The following ZNG1A variants were observed in gnomAD, a reference collection of about 807,000 sequenced individuals.
ZNG1A encodes zinc-regulated GTPase metalloprotein activator 1A.
the ZNG1A span, chr9:122,229 T>C: frequency 7.1e-7 from 1 of 1,403,326 alleles, no homozygotes; most frequent in Non-Finnish European, 9.4e-7. Context: ...AATTACTTAA[T>C]TCCAATTATT....
chr9:175,246 C>T, the ZNG1A span, among the ~76,000 whole-genome samples: 738 of 152,000 alleles, frequency 4.9e-3, 3 homozygotes, highest in African/African-American at 0.016. Context: ...GGCATGGTGG[C>T]GCACGCCTGT....
At chr9:122,233 A>C in the ZNG1A span, 3 of 1,403,060 alleles carry the variant, frequency 2.1e-6, no homozygotes, top group African/African-American at 4.4e-5. Context: ...ACTTAATTCC[A>C]ATTATTTGTG....
At chr9:163,866 G>A in the ZNG1A span, 12 of 1,090,082 alleles carry the variant, frequency 1.1e-5, no homozygotes, top group East Asian at 4.8e-5. Context: ...GCAGTGAGCC[G>A]AGATCATGCC....
chr9:121,400 C>T, the ZNG1A span: 9 of 937,004 alleles, frequency 9.6e-6, no homozygotes, highest in Non-Finnish European at 1.2e-5. Flanking sequence ...TAAATAAATG[C>T]TTGAAATATA....
chr9:176,856 T>A, the ZNG1A span, among the ~76,000 whole-genome samples: 161 of 151,908 alleles, frequency 1.1e-3, 3 homozygotes, highest in African/African-American at 3.7e-3. Flanking sequence ...AAAAAAACAC[T>A]TTAAGACATA....
the ZNG1A span, among the ~76,000 whole-genome samples, chr9:156,884 T>C: frequency 1.3e-5 from 2 of 152,132 alleles, no homozygotes; most frequent in Non-Finnish European, 2.9e-5. Flanking sequence ...CTTAAAAAAC[T>C]GTTCTGGTTC....
At chr9:160,457 G>A in the ZNG1A span, among the ~76,000 whole-genome samples, 11 of 152,034 alleles carry the variant, frequency 7.2e-5, no homozygotes, top group Non-Finnish European at 1.5e-4. Context: ...TCTGGCATCC[G>A]ACTTAGAAAA....
At chr9:167,728 G>A in the ZNG1A span, 1 of 150,046 alleles carries the variant, frequency 6.7e-6, no homozygotes, top group African/African-American at 2.5e-5. Flanking sequence ...GCCTGTAAGT[G>A]TTCAAGTGAA....
the ZNG1A span, among the ~76,000 whole-genome samples, chr9:132,352 TAA>T: frequency 4.4e-5 from 4 of 91,188 alleles, no homozygotes; most frequent in Non-Finnish European, 2.2e-5. Flanking sequence ...CCATCTCTAC[TAA>T]AAAAAAAAAA....
At chr9:170,392 CGTGTGT>C in the ZNG1A span, among the ~76,000 whole-genome samples, 3 of 139,342 alleles carry the variant, frequency 2.2e-5, no homozygotes, top group East Asian at 2.0e-4. Context: ...TGTGCATGTG[CGTGTGT>C]GTGTGTGTGT....
chr9:168,548 G>A, the ZNG1A span, among the ~76,000 whole-genome samples: 1 of 150,278 alleles, frequency 6.7e-6, no homozygotes, highest in South Asian at 2.1e-4. Context: ...CACCGAGCCC[G>A]GCCAGCAACA....
chr9:173,915 A>C, the ZNG1A span, among the ~76,000 whole-genome samples: 1 of 152,196 alleles, frequency 6.6e-6, no homozygotes, highest in Non-Finnish European at 1.5e-5. Context: ...AGGGAGGCCA[A>C]GGCGGGCGGA....
the ZNG1A span, among the ~76,000 whole-genome samples, chr9:128,323 G>C: frequency 2.7e-5 from 4 of 149,630 alleles, no homozygotes; most frequent in Non-Finnish European, 5.9e-5. Context: ...GTTATTCTTA[G>C]GTTTGGTCAT....
At chr9:127,247 T>TTGATG in the ZNG1A span, among the ~76,000 whole-genome samples, 3 of 152,122 alleles carry the variant, frequency 2.0e-5, no homozygotes, top group East Asian at 5.8e-4. Flanking sequence ...ACTTTCTGTC[T>TTGATG]TGATGACCTG....
chr9:156,131 T>A, the ZNG1A span, among the ~76,000 whole-genome samples: 3 of 101,038 alleles, frequency 3.0e-5, no homozygotes, highest in East Asian at 5.8e-4. Flanking sequence ...TCTCAAAAAA[T>A]AATAATTATT....
chr9:177,066 C>T, the ZNG1A span, among the ~76,000 whole-genome samples: 7 of 152,024 alleles, frequency 4.6e-5, no homozygotes, highest in Non-Finnish European at 8.8e-5. Flanking sequence ...CTATGGAGAA[C>T]CTAAGAGGGA....
chr9:135,235 A>G, the ZNG1A span, among the ~76,000 whole-genome samples: 1 of 151,176 alleles, frequency 6.6e-6, no homozygotes, highest in Non-Finnish European at 1.5e-5. Flanking sequence ...AAAAAAAACC[A>G]CACATTCATA....
chr9:171,305 T>C, the ZNG1A span, among the ~76,000 whole-genome samples: 1 of 151,852 alleles, frequency 6.6e-6, no homozygotes, highest in Non-Finnish European at 1.5e-5. Context: ...AATATAGTTT[T>C]ACAAATCGCC....
chr9:175,376 CA>C, the ZNG1A span, among the ~76,000 whole-genome samples: 2 of 147,458 alleles, frequency 1.4e-5, no homozygotes, highest in African/African-American at 2.5e-5. Context: ...GACTCCATCT[CA>C]AAAAAAATAA....
Sources: allele counts gnomAD v4.1 joint callset (sites outside exome capture counted in the v4.1 genomes callset), GRCh38; gene constraint gnomAD v4.1.1; transcripts MANE v1.5; gene names NCBI Gene and HGNC (gene_info 2026-07-23, HGNC 2026-07-21).